The following PRKAR1B variants were observed in gnomAD, a reference collection of about 807,000 sequenced individuals.
PRKAR1B encodes cAMP-dependent protein kinase type I-beta regulatory subunit.
Under a neutral mutation model 46.5 loss-of-function variants are expected in PRKAR1B, and 22 were observed. That is an observed-to-expected ratio of 0.47 (90% CI 0.34 to 0.68). PRKAR1B has a LOEUF of 0.68. Among genes scored for constraint, PRKAR1B ranks in the 30% least tolerant of loss-of-function variants. The probability of loss-of-function intolerance (pLI) is 0.01; values close to 1 mark genes in which losing one functional copy is unlikely to be tolerated. For missense variants in PRKAR1B, 445 were observed against 535.6 expected (o/e 0.83, Z 1.67); for synonymous variants, 259 against 217.7 (o/e 1.19, Z -1.67).
chr7:551,234 C>T (rs1407834261), intron 10 of PRKAR1B, among the ~76,000 whole-genome samples, 155 bp downstream of exon 10: 1 of 152,148 alleles, frequency 6.6e-6, no homozygotes. Flanking sequence ...GGGAACAGGA[C>T]TGAGCCTTCT....
intron 2 of PRKAR1B, among the ~76,000 whole-genome samples, chr7:690,417 C>T (rs987276686): frequency 6.6e-6 from 1 of 151,882 alleles, no homozygotes; most frequent in Non-Finnish European, 1.5e-5. Flanking sequence ...CGCCGCATCC[C>T]CACGTAACAA....
At chr7:670,881 T>C (rs1000409965) in intron 4 of PRKAR1B, among the ~76,000 whole-genome samples, 3 of 151,302 alleles carry the variant, frequency 2.0e-5, no homozygotes, top group African/African-American at 7.3e-5. Flanking sequence ...TGCCACGGCG[T>C]CAGGCAGAGG....
At chr7:620,392 G>A (rs562454667) in intron 4 of PRKAR1B, among the ~76,000 whole-genome samples, 8 of 152,218 alleles carry the variant, frequency 5.3e-5, no homozygotes, top group African/African-American at 1.7e-4. Context: ...CCACTTCTCA[G>A]TGGCTGTTGC....
At position 560,359 on chromosome 7, in the gene PRKAR1B, A is replaced by AAATAAT. The variant is rs200894141; in HGVS notation, c.892-8895_892-8890dup. Among the ~76,000 whole-genome samples, 1,541 of 146,550 alleles carry AAATAAT rather than the reference A, an allele frequency of 0.011. 37 individuals are homozygous for AAATAAT. In the East Asian group the frequency reaches 0.11, roughly 10 times the overall value. On this transcript the variant is annotated intron_variant, in intron 9 of 10. Transcript: ENST00000537384. This position sits in a 1 kb window ranked among gnomAD's most constrained non-coding sequence, Gnocchi z 4.2. Reference sequence around the variant, plus strand: ...TAGCAGTGTTAGAATGAACTAATACAAATAATAATAATAATAATAATAATA... The same window carrying AAATAAT: ...TAGCAGTGTTAGAATGAACTAATACAAATAATAATAATAATAATAATAATAATAATA...
chr7:577,284 G>A (rs375759912), intron 9 of PRKAR1B, among the ~76,000 whole-genome samples: 1 of 152,240 alleles, frequency 6.6e-6, no homozygotes, highest in East Asian at 1.9e-4. Flanking sequence ...CCAGGGCAGA[G>A]AGGTGCCCTC....
At chr7:588,259 CAGT>C (rs753894520) in intron 7 of PRKAR1B, among the ~76,000 whole-genome samples, 2 of 152,266 alleles carry the variant, frequency 1.3e-5, no homozygotes, top group African/African-American at 2.4e-5. Flanking sequence ...ATGGAGGACA[CAGT>C]GGGCAGTCCA....
intron 4 of PRKAR1B, among the ~76,000 whole-genome samples, chr7:642,011 G>A (rs1784415167): frequency 6.6e-6 from 1 of 151,860 alleles, no homozygotes; most frequent in Non-Finnish European, 1.5e-5. Context: ...CAAGGGATCC[G>A]CCCTCCTCCC....
chr7:697,950 G>A (rs1254893856), intron 2 of PRKAR1B, among the ~76,000 whole-genome samples: 2 of 92,510 alleles, frequency 2.2e-5, no homozygotes, highest in Admixed American at 9.8e-5. Flanking sequence ...AGGGACGGGA[G>A]GGAAGGGAAG....
chr7:566,307 C>T (rs1002753045), intron 9 of PRKAR1B, among the ~76,000 whole-genome samples: 2 of 151,784 alleles, frequency 1.3e-5, no homozygotes, highest in African/African-American at 4.8e-5. Context: ...TCACCATCAT[C>T]ATCACCATAT....
chr7:699,369 C>T (rs1430905290), intron 2 of PRKAR1B, among the ~76,000 whole-genome samples: 1 of 152,176 alleles, frequency 6.6e-6, no homozygotes, highest in African/African-American at 2.4e-5. Context: ...GCACTGAGTC[C>T]CAAAGCAGGA....
chr7:602,283 C>T lies in PRKAR1B; in HGVS notation c.549+3910G>A, dbSNP rs557308350. Reference sequence around the variant, plus strand: ...TGTATGAAGGAGTTACAGACGGCGGCGGGGGGAGGGGGGGTCTGTCCTGCT... The same window carrying T: ...TGTATGAAGGAGTTACAGACGGCGGTGGGGGGAGGGGGGGTCTGTCCTGCT... On this transcript the variant is annotated intron_variant, in intron 6 of 10. Coordinates refer to ENST00000537384, the MANE Select transcript of PRKAR1B (RefSeq NM_001164760.2). The surrounding 1 kb of genome is among the most constrained non-coding windows in gnomAD (Gnocchi z 6.4). Among the ~76,000 whole-genome samples the T allele has an allele frequency of 3.0e-3, 188 of 62,786 alleles. 1 individual carries two copies. Among genetic ancestry groups the T allele is most frequent in the African/African-American group, 1.0e-2 (177 of 17,750 alleles). The allele number at this position is 62,786 out of a possible 152,430, so 41.2% of individuals were successfully genotyped here.
intron 10 of PRKAR1B, among the ~76,000 whole-genome samples, chr7:551,019 G>A (rs1164173296): frequency 6.6e-6 from 1 of 151,274 alleles, no homozygotes; most frequent in African/African-American, 2.4e-5. Context: ...CTGCAGGAAT[G>A]CCCAGGTGCA....
At chr7:639,975 C>T (rs961686555) in intron 4 of PRKAR1B, among the ~76,000 whole-genome samples, 5 of 151,658 alleles carry the variant, frequency 3.3e-5, no homozygotes, top group African/African-American at 7.3e-5. Context: ...CCAGCCTGGC[C>T]AACATGGTGA....
At chr7:635,985 CCCTCACGTCCT>C (rs1170157377) in intron 4 of PRKAR1B, among the ~76,000 whole-genome samples, 1 of 104,542 alleles carries the variant, frequency 9.6e-6, no homozygotes, top group Non-Finnish European at 2.1e-5. Context: ...ACCGGCCGCG[CCCTCACGTCCT>C]CCACCGGCCG....
chr7:617,848 G>T (rs1782916911), intron 4 of PRKAR1B, among the ~76,000 whole-genome samples: 1 of 152,162 alleles, frequency 6.6e-6, no homozygotes, highest in Non-Finnish European at 1.5e-5. Flanking sequence ...CACCCAGCTG[G>T]AACTCGCAGC....
intron 9 of PRKAR1B, among the ~76,000 whole-genome samples, chr7:574,456 T>G (rs1350271603): frequency 6.6e-6 from 1 of 152,152 alleles, no homozygotes; most frequent in South Asian, 2.1e-4. Context: ...GATTTTTTTT[T>G]TTTTTTGAGA....
At chr7:632,525 T>C (rs1783816642) in intron 4 of PRKAR1B, among the ~76,000 whole-genome samples, 2 of 152,170 alleles carry the variant, frequency 1.3e-5, no homozygotes, top group Admixed American at 6.5e-5. Flanking sequence ...ATGGCACTGG[T>C]ACTCCCAGGA....
Position 602,742 on chromosome 7 carries a change from A to G in PRKAR1B, c.549+3451T>C. On this transcript the variant is annotated intron_variant, in intron 6 of 10. Transcript: ENST00000537384. This position sits in a 1 kb window ranked among gnomAD's most constrained non-coding sequence, Gnocchi z 6.4. ...GGGGCGGGGCAGCTGCCAGGCGGCCAATGGCTTCCACACCAGGGGCCAAGA... is the reference window on the plus strand; with the variant it reads ...GGGGCGGGGCAGCTGCCAGGCGGCCGATGGCTTCCACACCAGGGGCCAAGA... The G allele has an allele frequency of 5.9e-6, 1 of 169,724 alleles. No homozygotes were observed. 10.5% of individuals were successfully genotyped at this position (169,724 alleles called of 1,614,324 possible). A position where few individuals can be genotyped will look rare whatever the true frequency, so the allele number is the denominator to read the frequency against.
chr7:582,000 T>G (rs531670118), intron 8 of PRKAR1B, among the ~76,000 whole-genome samples: 7 of 152,356 alleles, frequency 4.6e-5, no homozygotes, highest in African/African-American at 1.4e-4. Context: ...ACTGCAGGCA[T>G]GTACCATCAT....
Sources: allele counts gnomAD v4.1 joint callset (sites outside exome capture counted in the v4.1 genomes callset), GRCh38; gene constraint gnomAD v4.1.1; non-coding constraint Gnocchi (gnomAD v3.1); transcripts MANE v1.5; gene names NCBI Gene and HGNC (gene_info 2026-07-23, HGNC 2026-07-21).